DYM: variants seen among roughly 807,000 people sequenced by gnomAD.
The protein encoded by DYM is dyggve-Melchior-Clausen syndrome protein.
Under a neutral mutation model 93.1 loss-of-function variants are expected in DYM, and 78 were observed. The observed-to-expected ratio is 0.84, with a 90% CI of 0.70 to 1.01. DYM has a LOEUF of 1.01. Among genes scored for constraint, DYM ranks in the 50% least tolerant of loss-of-function variants. The probability of loss-of-function intolerance (pLI) is 0.00; values close to 1 mark genes in which losing one functional copy is unlikely to be tolerated. For missense variants in DYM, 789 were observed against 845.0 expected (o/e 0.93, Z 0.82); for synonymous variants, 321 against 319.7 (o/e 1.00, Z -0.04).
In DYM at chr18:49,146,814, A is replaced by G. The variant is rs575789316; in HGVS notation, c.1728+16871T>C. Among the ~76,000 whole-genome samples, 383 of 152,302 alleles carry G rather than the reference A, an allele frequency of 2.5e-3. 4 individuals are homozygous for G. Among genetic ancestry groups the G allele is most frequent in the African/African-American group, 7.8e-3 (323 of 41,550 alleles). ...CAATGCCATCCCCATCAAGCTACCAATGACCTTCTTCACAGAATTGGAAAA... is the reference window on the plus strand; with the variant it reads ...CAATGCCATCCCCATCAAGCTACCAGTGACCTTCTTCACAGAATTGGAAAA... On this transcript the variant is annotated intron_variant, in intron 15 of 17. Transcript: ENST00000675505.
At chr18:49,192,908 G>A (rs764741988) in intron 14 of DYM, among the ~76,000 whole-genome samples, 3 of 152,054 alleles carry the variant, frequency 2.0e-5, no homozygotes, top group Non-Finnish European at 2.9e-5. Flanking sequence ...AGGGGGTAGC[G>A]GGGAAAAGGA....
intron 8 of DYM, among the ~76,000 whole-genome samples, chr18:49,291,268 A>G (rs1411917049): frequency 6.6e-6 from 1 of 152,258 alleles, no homozygotes; most frequent in African/African-American, 2.4e-5. Context: ...TAACACAGGC[A>G]GATACTTTTT....
At chr18:49,420,509 C>A (rs374441325) in intron 2 of DYM, among the ~76,000 whole-genome samples, 1 of 151,800 alleles carries the variant, frequency 6.6e-6, no homozygotes, top group Non-Finnish European at 1.5e-5. Flanking sequence ...CAATTGTATA[C>A]AATAAAGTTA....
At chr18:49,423,482 G>C (rs1347482286) in intron 2 of DYM, among the ~76,000 whole-genome samples, 1 of 152,164 alleles carries the variant, frequency 6.6e-6, no homozygotes, top group African/African-American at 2.4e-5. Context: ...ACAATTAAAA[G>C]AACTAGAGAA....
chr18:49,167,029 T>C (rs1412652177), intron 14 of DYM, among the ~76,000 whole-genome samples: 3 of 120,426 alleles, frequency 2.5e-5, no homozygotes, highest in African/African-American at 9.2e-5. Context: ...TGTGTGTGTG[T>C]GTGTGCGCGC....
chr18:49,341,575 G>C (rs1023508170), intron 6 of DYM, among the ~76,000 whole-genome samples: 1 of 151,754 alleles, frequency 6.6e-6, no homozygotes, highest in Admixed American at 6.6e-5. Flanking sequence ...ACTGAGGGTG[G>C]ATGTGGATGG....
At chr18:49,085,606 CTTTT>C (rs11437833) in intron 17 of DYM, among the ~76,000 whole-genome samples, 7 of 102,150 alleles carry the variant, frequency 6.9e-5, no homozygotes, top group African/African-American at 1.8e-4. Flanking sequence ...ACAACTGGTC[CTTTT>C]TTTTTTTTTT....
intron 5 of DYM, among the ~76,000 whole-genome samples, chr18:49,377,402 A>G (rs777541421): frequency 6.6e-6 from 1 of 152,062 alleles, no homozygotes; most frequent in African/African-American, 2.4e-5. Flanking sequence ...TCTACTAAAA[A>G]TACAAAAATT....
chr18:49,430,842 G>A (rs111567010), intron 1 of DYM, among the ~76,000 whole-genome samples: 31 of 149,162 alleles, frequency 2.1e-4, no homozygotes, highest in African/African-American at 6.2e-4. Flanking sequence ...CCAAGATCGC[G>A]CCACTGCACT....
chr18:49,257,156 T>C, intron 12 of DYM, 52 bp from the exon 13 acceptor site: 1 of 1,359,924 alleles, frequency 7.4e-7, no homozygotes. Context: ...CTCTATATTT[T>C]AACCAAGGTT....
chr18:49,322,392 A>G (rs898392338), intron 8 of DYM, among the ~76,000 whole-genome samples: 2 of 152,194 alleles, frequency 1.3e-5, no homozygotes, highest in Non-Finnish European at 2.9e-5. Flanking sequence ...AACTTAAAAC[A>G]CAGAAGAAAT....
chr18:49,352,035 A>G (rs2065158469), intron 6 of DYM, among the ~76,000 whole-genome samples: 1 of 152,256 alleles, frequency 6.6e-6, no homozygotes, highest in Non-Finnish European at 1.5e-5. Flanking sequence ...TGAGGCTAAA[A>G]TAATAAAAAA....
chr18:49,163,083 C>G (rs2087383084), intron 15 of DYM, among the ~76,000 whole-genome samples: 1 of 152,164 alleles, frequency 6.6e-6, no homozygotes, highest in South Asian at 2.1e-4. Flanking sequence ...AAAATCATCC[C>G]TGCTTTTGTT....
chr18:49,145,581 C>T (rs568975332), intron 15 of DYM, among the ~76,000 whole-genome samples: 25 of 152,010 alleles, frequency 1.6e-4, no homozygotes, highest in Non-Finnish European at 2.5e-4. Context: ...ATAGTTTGTC[C>T]TTCCCCTATT....
intron 14 of DYM, among the ~76,000 whole-genome samples, chr18:49,195,829 G>T (rs1490610903): frequency 6.7e-6 from 1 of 148,742 alleles, no homozygotes; most frequent in Non-Finnish European, 1.5e-5. Context: ...TAGTCAGGTA[G>T]TTTTACTGTA....
intron 8 of DYM, among the ~76,000 whole-genome samples, chr18:49,322,076 A>G (rs923770874): frequency 6.6e-6 from 1 of 152,168 alleles, no homozygotes; most frequent in African/African-American, 2.4e-5. Context: ...TTTCTCAAAA[A>G]CAGAAATTAG....
intron 13 of DYM, among the ~76,000 whole-genome samples, chr18:49,239,584 G>GT (rs1200276669): frequency 6.6e-6 from 1 of 152,218 alleles, no homozygotes; most frequent in Admixed American, 6.5e-5. Context: ...CTCTTGGGAT[G>GT]TCCCCTCTTG....
At chr18:49,120,633 G>T (rs761886492) in intron 15 of DYM, among the ~76,000 whole-genome samples, 34 of 152,158 alleles carry the variant, frequency 2.2e-4, no homozygotes, top group Non-Finnish European at 4.0e-4. Context: ...GGTTGAATCT[G>T]TGCATGTGTC....
intron 2 of DYM, among the ~76,000 whole-genome samples, chr18:49,403,502 C>T (rs2071087429): frequency 6.6e-6 from 1 of 152,150 alleles, no homozygotes; most frequent in Non-Finnish European, 1.5e-5. Context: ...GGTAGTATTT[C>T]TATTATAGAT....
Sources: gnomAD v4.1 joint callset for allele counts (sites outside exome capture counted in the v4.1 genomes callset) on GRCh38, gnomAD v4.1.1 for gene constraint, MANE v1.5 for transcripts, NCBI Gene and HGNC (gene_info 2026-07-23, HGNC 2026-07-21) for gene names.